Variants in AKAP8 observed in about 807,000 individuals in gnomAD.
AKAP8 encodes A-kinase anchoring protein 8.
AKAP8 carries 24 observed loss-of-function variants against 67.5 expected under a neutral mutation model. The ratio of observed to expected loss-of-function variants is 0.36; its 90% CI spans 0.26 to 0.50. The LOEUF is 0.50. Ranked by LOEUF, AKAP8 falls within the 20% of genes least tolerant of loss-of-function variation. The pLI is 0.97. For synonymous variants in AKAP8, 400 were observed against 371.1 expected, an observed-to-expected ratio of 1.08 and a Z score of -0.90; for missense variants, 971 against 955.9, an observed-to-expected ratio of 1.02 and a Z score of -0.21.
Position 15,371,964 on chromosome 19 carries a change from T to C in AKAP8, c.1026A>G (p.Glu342=). ...CTGGTGGACTTACACCCTTGAATTC[T>C]TCATCTCCTGAGCGGAAGTCACCAG... ...DAAGDFRSGD[E]EFKGEDELCD... is the part of the protein sequence containing the mutation. The change falls in exon 7 of 14, where the codon GAA becomes GAG. Residue 342 remains glutamate, a synonymous_variant. Transcript: ENST00000269701. 6.2e-7 allele frequency: 1 copy of C among 1,614,120 alleles called. No individual in the cohort carries two copies. The highest frequency in any genetic ancestry group is 8.5e-7 in the Non-Finnish European group (1 of 1,180,006).
intron 10 of AKAP8, 121 bp downstream of exon 10, chr19:15,361,989 A>G: frequency 4.2e-6 from 6 of 1,437,350 alleles, no homozygotes; most frequent in Non-Finnish European, 5.6e-6. Context: ...TTACACAGCT[A>G]CTCTATCTGG....
chr19:15,360,738 G>A (rs1194607453), intron 12 of AKAP8, 110 bp downstream of exon 12: 6 of 1,351,466 alleles, frequency 4.4e-6, no homozygotes, highest in Admixed American at 5.6e-5. Flanking sequence ...TGATAGACTT[G>A]AAACATAGCA....
intron 7 of AKAP8, among the ~76,000 whole-genome samples, chr19:15,371,672 C>T (rs145541758): frequency 0.013 from 1,927 of 151,806 alleles, 26 homozygotes; most frequent in Middle Eastern, 0.048. Context: ...TATTTTTAAT[C>T]GAGACGGGGT....
intron 12 of AKAP8, 92 bp from the exon 13 acceptor site, chr19:15,359,154 A>G: frequency 8.7e-7 from 1 of 1,142,930 alleles, no homozygotes; most frequent in Admixed American, 2.0e-5. Flanking sequence ...TCCTGAGATC[A>G]GCCCTATGCA....
rs199708317 is a variant in AKAP8, at chr19:15,362,296, C to T, written c.1161-45G>A. The T allele has an allele frequency of 8.1e-4, 1,298 of 1,608,360 alleles. 2 individuals carry two copies. Among genetic ancestry groups the T allele is most frequent in the Middle Eastern group, 2.0e-3 (12 of 6,034 alleles). Reference sequence around the variant, plus strand: ...AGGGGAGTGAAGCAGGGAGCATCAGCGAGTGAAGCAGGGGGCATCAGCTCA... The same window carrying T: ...AGGGGAGTGAAGCAGGGAGCATCAGTGAGTGAAGCAGGGGGCATCAGCTCA... On this transcript the variant is annotated intron_variant, in intron 9 of 13. Transcript: ENST00000269701.
intron 7 of AKAP8, among the ~76,000 whole-genome samples, chr19:15,371,306 C>G (rs145575384): frequency 6.6e-6 from 1 of 152,144 alleles, no homozygotes; most frequent in East Asian, 1.9e-4. Flanking sequence ...CTGCCTGTGC[C>G]TTGTTGTGAG....
Position 15,357,826 on chromosome 19 carries a change from C to T in AKAP8, c.1623+1141G>A, listed in dbSNP as rs142077615. Among the ~76,000 whole-genome samples, 356 of 150,578 alleles carry T rather than the reference C, an allele frequency of 2.4e-3. 1 individual carries two copies. Among genetic ancestry groups the T allele is most frequent in the Non-Finnish European group, 4.4e-3 (299 of 67,786 alleles). ...CCTCCTGAGTAGCTGGGACCACAGGCGCATGCCACCACGCCTGGCTAATTT... is the reference window on the plus strand; with the variant it reads ...CCTCCTGAGTAGCTGGGACCACAGGTGCATGCCACCACGCCTGGCTAATTT... On this transcript the variant is annotated intron_variant, in intron 13 of 13. Coordinates refer to ENST00000269701, the MANE Select transcript of AKAP8 (RefSeq NM_005858.4).
At chr19:15,364,108 C>CAAAAAAAAAAAAAA (rs71176406) in intron 9 of AKAP8, among the ~76,000 whole-genome samples, 1 of 52,336 alleles carries the variant, frequency 1.9e-5, no homozygotes, top group Non-Finnish European at 3.1e-5. Flanking sequence ...TGGCAGTGGG[C>CAAAAAAAAAAAAAA]AAAAAAAAAA....
intron 9 of AKAP8, among the ~76,000 whole-genome samples, chr19:15,367,098 G>T (rs985655349): frequency 3.9e-5 from 6 of 152,106 alleles, no homozygotes; most frequent in African/African-American, 1.4e-4. Flanking sequence ...AGTAGAGATG[G>T]GTTTCACCAT....
chr19:15,374,736 G>T (rs1716610610), intron 2 of AKAP8, 101 bp from the exon 3 acceptor site: 2 of 1,385,868 alleles, frequency 1.4e-6, no homozygotes, highest in Non-Finnish European at 2.0e-6. Flanking sequence ...CAGGGCCAGG[G>T]CTTCCCTCCG....
Position 15,354,858 on chromosome 19 carries a change from G to T in AKAP8, c.*57C>A. ...CCCTTGTACTGCTTACAAACCAAGG[G>T]AGAAAGACCAACGCATCCATCATCC... On this transcript the variant is annotated 3_prime_UTR_variant, in exon 14 of 14. Coordinates refer to ENST00000269701, the MANE Select transcript of AKAP8 (RefSeq NM_005858.4). 6.3e-7 allele frequency: 1 copy of T among 1,586,604 alleles called. No individual in the cohort carries two copies.
At position 15,361,726 on chromosome 19, in the gene AKAP8, C is replaced by T. The variant is rs1966969788; in HGVS notation, c.1396+3G>A. The T allele has an allele frequency of 6.2e-7, 1 of 1,609,798 alleles. No homozygotes were observed. On this transcript the variant is annotated splice_donor_region_variant and intron_variant, in intron 11 of 13. Coordinates refer to ENST00000269701, the MANE Select transcript of AKAP8 (RefSeq NM_005858.4). ...AAGCACTCATCCTGGGATGACAACT[C>T]ACCTTTGAAAGGATCTGGTTTTGGT...
intron 12 of AKAP8, among the ~76,000 whole-genome samples, chr19:15,359,621 C>T (rs1184597136): frequency 1.3e-5 from 2 of 152,060 alleles, no homozygotes; most frequent in Non-Finnish European, 2.9e-5. Flanking sequence ...GAGACTGAGG[C>T]ATGAGAATTT....
At chr19:15,378,507 G>A (rs1190621473) in intron 1 of AKAP8, among the ~76,000 whole-genome samples, 1 of 152,170 alleles carries the variant, frequency 6.6e-6, no homozygotes, top group African/African-American at 2.4e-5. Context: ...AAGATCTGAT[G>A]GGAAAGAAGG....
rs144064099 is a variant in AKAP8, at chr19:15,355,165, G to A, written c.1829C>T (p.Thr610Met). The A allele has an allele frequency of 2.0e-3, 3,302 of 1,612,606 alleles. 1 individual carries two copies. Among genetic ancestry groups the A allele is most frequent in the Admixed American group, 2.6e-3 (155 of 60,022 alleles). ...SGEPAEDEGP[T>M]DTAEAGSDPQ... Reference sequence around the variant, plus strand: ...ATCACTACCGGCCTCCGCTGTGTCCGTGGGGCCTTCGTCCTCAGCCGGCTC... The same window carrying A: ...ATCACTACCGGCCTCCGCTGTGTCCATGGGGCCTTCGTCCTCAGCCGGCTC... The change falls in exon 14 of 14, where the codon ACG becomes ATG. Residue 610 changes from threonine to methionine, a missense_variant. By Grantham distance (81) the Thr-to-Met change is moderately conservative (BLOSUM62 -1). Around this residue, in one of 3 missense-constraint regions of AKAP8, gnomAD observed 204 missense variants for 193.0 expected, o/e 1.06. Transcript: ENST00000269701.
rs775141589 is a variant in AKAP8 at position 15,368,244 on chromosome 19, G to A, written c.1151C>T (p.Ala384Val). 1 of 1,612,228 alleles carries A rather than the reference G, an allele frequency of 6.2e-7. No individual in the cohort carries two copies. Among genetic ancestry groups the A allele is most frequent in the Non-Finnish European group, 8.5e-7 (1 of 1,179,920 alleles). ...QRRRDRTRDR[A>V]ADRIQFACSV... is the part of the protein sequence containing the mutation. The stretch of plus-strand genomic sequence containing the variant: ...TGTGCCCGCGCCTCACCTGTCGGCT[G>A]CACGGTCCCGCGTCCTGTCTCTTCT... Residue 384 changes from alanine (A) to valine (V), a missense_variant, in exon 9 of 14, where the codon GCA becomes GTA. Coordinates refer to ENST00000269701, the MANE Select transcript of AKAP8 (RefSeq NM_005858.4).
Position 15,355,180 on chromosome 19 carries a change from T to C in AKAP8, c.1814A>G (p.Glu605Gly). ...CGCTGTGTCCGTGGGGCCTTCGTCC[T>C]CAGCCGGCTCCCCGCTGCTCTCTGG... ...PAPESSGEPA[E>G]DEGPTDTAEA... The change falls in exon 14 of 14, where the codon GAG becomes GGG. Residue 605 changes from glutamate to glycine, a missense_variant. By Grantham distance (98) the Glu-to-Gly change is moderately conservative. Around this residue, in one of 3 missense-constraint regions of AKAP8, gnomAD observed 204 missense variants for 193.0 expected, o/e 1.06. Transcript: ENST00000269701. 2.5e-6 allele frequency: 4 copies of C among 1,612,230 alleles called. No homozygotes were observed. The highest frequency in any genetic ancestry group is 3.4e-6 in the Non-Finnish European group (4 of 1,180,026).
At chr19:15,377,140 C>T (rs192230233) in intron 1 of AKAP8, 126 bp from the exon 2 acceptor site, 8 of 1,057,398 alleles carry the variant, frequency 7.6e-6, no homozygotes, top group South Asian at 4.9e-5. Flanking sequence ...GACTCCCCCC[C>T]ACCCCACCAA....
rs778223401 is a variant in AKAP8 at position 15,372,307 on chromosome 19, G to A, written c.902C>T (p.Thr301Met). ...TTGGAACTGCTTCCGTTTCCTGCCCGTGCCATCTGGTCCGAAGCGGTCAAA... is the reference window on the plus strand; with the variant it reads ...TTGGAACTGCTTCCGTTTCCTGCCCATGCCATCTGGTCCGAAGCGGTCAAA... ...RGFDRFGPDG[T>M]GRKRKQFQLY... Residue 301 changes from threonine to methionine, a missense_variant, in exon 6 of 14, where the codon ACG (threonine) becomes ATG (methionine). Coordinates refer to ENST00000269701, the MANE Select transcript of AKAP8 (RefSeq NM_005858.4). 14 of 1,614,120 alleles carry A rather than the reference G, an allele frequency of 8.7e-6. No individual in the cohort carries two copies. Among genetic ancestry groups the A allele is most frequent in the Middle Eastern group, 3.3e-4 (2 of 6,062 alleles).
Sources: gnomAD v4.1 joint callset for allele counts (sites outside exome capture counted in the v4.1 genomes callset) on GRCh38, gnomAD v4.1.1 for gene constraint, gnomAD v4.1.1 regional missense constraint, MANE v1.5 for transcripts, NCBI Gene and HGNC (gene_info 2026-07-23, HGNC 2026-07-21) for gene names.